Variants in NINJ2 observed in about 807,000 individuals in gnomAD.
NINJ2 encodes ninjurin-2.
In NINJ2, 12 loss-of-function variants were observed where a neutral mutation model predicts 11.7. The ratio of observed to expected loss-of-function variants is 1.02; its 90% CI spans 0.66 to 1.66. The LOEUF (loss-of-function observed/expected upper bound fraction) is 1.66. NINJ2 is among the 40% of genes most tolerant of loss of function. The pLI, the probability that NINJ2 is intolerant of heterozygous loss-of-function variation, is 0.00. For synonymous variants in NINJ2, 93 were observed against 76.8 expected (o/e 1.21, Z -1.10); for missense variants, 187 against 181.8 (o/e 1.03, Z -0.16).
At chr12:641,984 A>G (rs944509885) in intron 1 of NINJ2, among the ~76,000 whole-genome samples, 2 of 151,896 alleles carry the variant, frequency 1.3e-5, no homozygotes, top group African/African-American at 2.4e-5. Context: ...GCGGAACACC[A>G]CCTTTCGACA....
intron 1 of NINJ2, among the ~76,000 whole-genome samples, chr12:615,529 AG>A (rs1214147810): frequency 1.3e-5 from 2 of 151,978 alleles, no homozygotes; most frequent in African/African-American, 2.4e-5. Context: ...CGGAGGTTGC[AG>A]TGAGCCGAGA....
At chr12:616,759 A>G (rs542327655) in intron 1 of NINJ2, among the ~76,000 whole-genome samples, 3 of 152,342 alleles carry the variant, frequency 2.0e-5, no homozygotes, top group African/African-American at 7.2e-5. Flanking sequence ...GATTTATCCA[A>G]AATGAGACAC....
At chr12:613,939 AATTAATT>A (rs1285223647) in intron 1 of NINJ2, among the ~76,000 whole-genome samples, 8 of 151,976 alleles carry the variant, frequency 5.3e-5, no homozygotes, top group East Asian at 1.9e-4. Flanking sequence ...TAAATAAATT[AATTAATT>A]AATTAAAAAT....
intron 1 of NINJ2, among the ~76,000 whole-genome samples, chr12:627,273 G>A (rs934071732): frequency 6.6e-6 from 1 of 152,156 alleles, no homozygotes; most frequent in Non-Finnish European, 1.5e-5. Context: ...TAGAATTGAA[G>A]CTTCTTGTTA....
chr12:654,811 G>C (rs1350947765), intron 1 of NINJ2, among the ~76,000 whole-genome samples: 1 of 151,266 alleles, frequency 6.6e-6, no homozygotes, highest in Non-Finnish European at 1.5e-5. Context: ...GGAATCACTT[G>C]AACCTGGGAG....
At chr12:605,252 G>A (rs1224079386) in intron 1 of NINJ2, among the ~76,000 whole-genome samples, 1 of 152,230 alleles carries the variant, frequency 6.6e-6, no homozygotes, top group Non-Finnish European at 1.5e-5. Flanking sequence ...ATCATGGGGA[G>A]AGGGTTGAGG....
chr12:643,038 T>TC, intron 1 of NINJ2: 1 of 152,520 alleles, frequency 6.6e-6, no homozygotes, highest in Non-Finnish European at 1.5e-5. Context: ...TTCCTGCCAT[T>TC]CCCCCGAGTC....
At chr12:624,215 T>C (rs958733161) in intron 1 of NINJ2, among the ~76,000 whole-genome samples, 3 of 152,200 alleles carry the variant, frequency 2.0e-5, no homozygotes, top group Non-Finnish European at 4.4e-5. Flanking sequence ...CTGAGCTTTG[T>C]AGGACTCCAA....
Position 643,362 on chromosome 12 carries a change from C to T in NINJ2, c.33+19966G>A, listed in dbSNP as rs895845929. ...CGGGTGGGGAGGGGAGGGTGGCGTT[C>T]CTGAGTCCGCGGAGGAAAGGGTCGC... On this transcript the variant is annotated intron_variant, in intron 1 of 3. Transcript: ENST00000305108. 5 of 873,810 alleles carry T rather than the reference C, an allele frequency of 5.7e-6. No homozygotes were observed. The African/African-American group carries it at 7.3e-5, about 13-fold the overall frequency. The allele number at this position is 873,810 out of a possible 1,614,324, so 54.1% of individuals were successfully genotyped here.
At chr12:582,332 C>T (rs2535430) in intron 1 of NINJ2, among the ~76,000 whole-genome samples, 42,114 of 107,766 alleles carry the variant, frequency 0.39, 6,191 homozygotes, top group Non-Finnish European at 0.45. Flanking sequence ...AATGAATGGA[C>T]GCAGGCAGGC....
intron 1 of NINJ2, among the ~76,000 whole-genome samples, chr12:650,522 AC>A (rs1390976225): frequency 1.3e-5 from 2 of 151,852 alleles, no homozygotes; most frequent in Non-Finnish European, 2.9e-5. Flanking sequence ...ACATAGTGAA[AC>A]CCTGTCTCTT....
At chr12:600,870 T>C (rs1245641922) in intron 1 of NINJ2, among the ~76,000 whole-genome samples, 2 of 152,174 alleles carry the variant, frequency 1.3e-5, no homozygotes, top group East Asian at 3.9e-4. Flanking sequence ...AGTTTCTTTT[T>C]TTCTATTTGT....
chr12:626,333 G>A (rs1353814086), intron 1 of NINJ2, among the ~76,000 whole-genome samples: 3 of 152,216 alleles, frequency 2.0e-5, no homozygotes, highest in Non-Finnish European at 4.4e-5. Flanking sequence ...AAAGAGCTGC[G>A]TTAGTGAGGA....
At chr12:575,948 G>C (rs1481107763) in intron 1 of NINJ2, among the ~76,000 whole-genome samples, 1 of 152,178 alleles carries the variant, frequency 6.6e-6, no homozygotes, top group Non-Finnish European at 1.5e-5. Flanking sequence ...AGCTGCAGCT[G>C]GTCTTCAGGC....
At chr12:613,233 G>A (rs1379759656) in intron 1 of NINJ2, among the ~76,000 whole-genome samples, 4 of 152,194 alleles carry the variant, frequency 2.6e-5, no homozygotes, top group Admixed American at 2.0e-4. Context: ...CATATCTGCG[G>A]CTCCTAAGAA....
chr12:586,679 G>T lies in NINJ2; in HGVS notation c.34-20501C>A, dbSNP rs1317242534. 2.6e-5 allele frequency among the ~76,000 whole-genome samples: 4 copies of T among 152,302 alleles called. No individual in the cohort carries two copies. The East Asian group carries it at 7.7e-4, about 29-fold the overall frequency. ...TACAAATCAGGACACAGAACCATCG[G>T]GGCAAGGGACCTCTCCAAGGCAACA... is the stretch of plus-strand genomic sequence containing the variant. On this transcript the variant is annotated intron_variant, in intron 1 of 3. Coordinates refer to ENST00000305108, the MANE Select transcript of NINJ2 (RefSeq NM_016533.6).
intron 1 of NINJ2, among the ~76,000 whole-genome samples, chr12:646,459 C>G (rs1260851342): frequency 6.6e-6 from 1 of 152,150 alleles, no homozygotes; most frequent in African/African-American, 2.4e-5. Context: ...TTGCAAGATT[C>G]CTGCTCCCCT....
rs67797144 is a variant in NINJ2 at position 634,265 on chromosome 12, CTTTTTT to C, written c.33+29057_33+29062del. On this transcript the variant is annotated intron_variant, in intron 1 of 3. Coordinates refer to ENST00000305108, the MANE Select transcript of NINJ2 (RefSeq NM_016533.6). ...AAATAAATGTTGATTAGTTGCAGTT[CTTTTTT>C]TTTTTTTTTTTTTTTTTTTGCACTG... is the stretch of plus-strand genomic sequence containing the variant. Among the ~76,000 whole-genome samples, 43 of 59,528 alleles carry C rather than the reference CTTTTTT, an allele frequency of 7.2e-4. No individual in the cohort carries two copies. The South Asian group carries it at 0.025, about 34-fold the overall frequency. The allele number at this position is 59,528 out of a possible 152,430, so 39.1% of individuals were successfully genotyped here.
intron 1 of NINJ2, among the ~76,000 whole-genome samples, chr12:626,936 G>T (rs10774386): frequency 0.94 from 143,512 of 152,080 alleles, 68,317 homozygotes; most frequent in East Asian, 1. Context: ...AATTAAAAGA[G>T]TACGCAGGTG....
Sources: allele counts gnomAD v4.1 joint callset (sites outside exome capture counted in the v4.1 genomes callset), GRCh38; gene constraint gnomAD v4.1.1; transcripts MANE v1.5; gene names NCBI Gene and HGNC (gene_info 2026-07-23, HGNC 2026-07-21).